The following RPS6KC1 variants were observed in gnomAD, a reference collection of about 807,000 sequenced individuals.
RPS6KC1 encodes ribosomal protein S6 kinase C1.
In RPS6KC1, 54 loss-of-function variants were observed where a neutral mutation model predicts 103.8. The ratio of observed to expected loss-of-function variants is 0.52; its 90% confidence interval spans 0.42 to 0.65. The LOEUF is 0.65. RPS6KC1 is among the 30% of genes least tolerant of loss of function. RPS6KC1 has a pLI of 0.00. For missense variants in RPS6KC1, 1,151 were observed against 1,253.8 expected (o/e 0.92, Z 1.24); for synonymous variants, 439 against 438.7 (o/e 1.00, Z -0.01).
At chr1:213,713,027 T>G in the RPS6KC1 span, among the ~76,000 whole-genome samples, 1 of 152,136 alleles carries the variant, frequency 6.6e-6, no homozygotes, top group African/African-American at 2.4e-5. Flanking sequence ...GTTGTTAAAT[T>G]GTTGTTCTTG....
chr1:213,739,508 A>G, the RPS6KC1 span, among the ~76,000 whole-genome samples: 1 of 152,200 alleles, frequency 6.6e-6, no homozygotes, highest in South Asian at 2.1e-4. Flanking sequence ...AAGAATTAAT[A>G]CAAGAGAATT....
the RPS6KC1 span, among the ~76,000 whole-genome samples, chr1:213,609,868 C>T: frequency 1.3e-5 from 2 of 150,900 alleles, no homozygotes; most frequent in Admixed American, 6.6e-5. Flanking sequence ...CAAATAAAAC[C>T]CAAAATAAAA....
chr1:213,280,522 T>G, the RPS6KC1 span, among the ~76,000 whole-genome samples: 3 of 152,226 alleles, frequency 2.0e-5, no homozygotes, highest in Admixed American at 2.0e-4. Flanking sequence ...AATGTTCTCA[T>G]TGGATTCTGA....
the RPS6KC1 span, among the ~76,000 whole-genome samples, chr1:213,449,155 G>T: frequency 6.6e-6 from 1 of 152,150 alleles, no homozygotes; most frequent in Non-Finnish European, 1.5e-5. Flanking sequence ...CTTTGCCTCT[G>T]CTGTGCCGTG....
the RPS6KC1 span, among the ~76,000 whole-genome samples, chr1:213,510,648 C>CAA: frequency 6.6e-6 from 1 of 152,210 alleles, no homozygotes; most frequent in Non-Finnish European, 1.5e-5. Context: ...ATCCTGCACT[C>CAA]ACGGTCTCCA....
At chr1:213,266,851 C>T (rs1486757057) in intron 14 of RPS6KC1, among the ~76,000 whole-genome samples, 2 of 151,534 alleles carry the variant, frequency 1.3e-5, no homozygotes, top group East Asian at 1.9e-4. Flanking sequence ...TGCAGTGAGC[C>T]GAGATCGCGC....
chr1:213,372,682 G>T, the RPS6KC1 span, among the ~76,000 whole-genome samples: 1 of 152,166 alleles, frequency 6.6e-6, no homozygotes, highest in Non-Finnish European at 1.5e-5. Flanking sequence ...TTCATGACAA[G>T]TTCCGTGCAA....
chr1:213,647,055 C>T, the RPS6KC1 span, among the ~76,000 whole-genome samples: 7 of 151,746 alleles, frequency 4.6e-5, no homozygotes, highest in South Asian at 2.1e-4. Flanking sequence ...TCATCACTAC[C>T]GCCCGTAATA....
chr1:213,425,060 G>T, the RPS6KC1 span, among the ~76,000 whole-genome samples: 2 of 152,098 alleles, frequency 1.3e-5, no homozygotes, highest in East Asian at 3.9e-4. Context: ...CCGCCATGTA[G>T]CAGGGAAGCA....
rs191298537 is a variant in RPS6KC1 at position 213,144,975 on chromosome 1, T to C, written c.835+15086T>C. Among the ~76,000 whole-genome samples, 545 of 152,166 alleles carry C rather than the reference T, an allele frequency of 3.6e-3. 4 individuals are homozygous for C. Among genetic ancestry groups the C allele is most frequent in the African/African-American group, 0.012 (508 of 41,520 alleles). ...CTGTAATCCCACCTACTCAGGAGAC[T>C]GAGGCAGGAGAATCACTTGAACCTG... On this transcript the variant is annotated intron_variant, in intron 6 of 14. Coordinates refer to ENST00000366960, the MANE Select transcript of RPS6KC1 (RefSeq NM_012424.6).
rs1293985772 is a variant in RPS6KC1, at chr1:213,051,303, C to G, written c.-102C>G. The G allele has an allele frequency of 2.1e-5, 17 of 822,376 alleles. No individual in the cohort carries two copies. Among genetic ancestry groups the G allele is most frequent in the Non-Finnish European group, 3.2e-5 (16 of 504,470 alleles). 50.9% of individuals were successfully genotyped at this position (822,376 alleles called of 1,614,324 possible). On this transcript the variant is annotated 5_prime_UTR_variant, in exon 1 of 15. Coordinates refer to ENST00000366960, the MANE Select transcript of RPS6KC1 (RefSeq NM_012424.6). ...TGGAGCCGCCTTGGAGCCACCGCCC[C>G]CTCGCCGCTTCGCCGCTGCGTTGGG... is the stretch of plus-strand genomic sequence containing the variant.
chr1:213,623,237 A>C, the RPS6KC1 span, among the ~76,000 whole-genome samples: 1 of 152,224 alleles, frequency 6.6e-6, no homozygotes, highest in African/African-American at 2.4e-5. Flanking sequence ...GTTTTCAGAC[A>C]CATCAATCAG....
chr1:213,447,402 T>C, the RPS6KC1 span, among the ~76,000 whole-genome samples: 1 of 152,208 alleles, frequency 6.6e-6, no homozygotes, highest in Admixed American at 6.5e-5. Flanking sequence ...CAGTTTCATA[T>C]GTAACTTAAA....
the RPS6KC1 span, among the ~76,000 whole-genome samples, chr1:213,375,313 GCATATACA>G: frequency 6.7e-6 from 1 of 149,340 alleles, no homozygotes; most frequent in Admixed American, 6.7e-5. Context: ...ACACACATAG[GCATATACA>G]CATATATACA....
At chr1:213,326,281 TAA>T in the RPS6KC1 span, among the ~76,000 whole-genome samples, 59 of 152,270 alleles carry the variant, frequency 3.9e-4, 1 homozygote, top group East Asian at 0.01. Flanking sequence ...AACATAAAAA[TAA>T]AAGTTACATG....
At chr1:213,157,522 C>A (rs1038415224) in intron 6 of RPS6KC1, among the ~76,000 whole-genome samples, 1 of 152,072 alleles carries the variant, frequency 6.6e-6, no homozygotes, top group Non-Finnish European at 1.5e-5. Flanking sequence ...TTGTTGATTT[C>A]TAGTTAATTG....
At chr1:213,560,737 T>C in the RPS6KC1 span, among the ~76,000 whole-genome samples, 2 of 152,142 alleles carry the variant, frequency 1.3e-5, no homozygotes, top group East Asian at 1.9e-4. Context: ...AGAAAACAAA[T>C]GTAACTCCCC....
chr1:213,436,701 G>A, the RPS6KC1 span, among the ~76,000 whole-genome samples: 6 of 152,020 alleles, frequency 3.9e-5, no homozygotes, highest in Admixed American at 6.5e-5. Context: ...ATATTTTATA[G>A]CTCTCTTGGC....
chr1:213,739,436 A>C, the RPS6KC1 span, among the ~76,000 whole-genome samples: 1 of 152,124 alleles, frequency 6.6e-6, no homozygotes, highest in African/African-American at 2.4e-5. Flanking sequence ...AGGGGCTGGT[A>C]TCCCTAACCC....
Sources: allele counts gnomAD v4.1 joint callset (sites outside exome capture counted in the v4.1 genomes callset), GRCh38; gene constraint gnomAD v4.1.1; transcripts MANE v1.5; gene names NCBI Gene and HGNC (gene_info 2026-07-23, HGNC 2026-07-21).